VSTM2L: variants seen among roughly 807,000 people sequenced by gnomAD.
VSTM2L encodes the protein V-set and transmembrane domain containing 2 like, also known as V-set and transmembrane domain-containing protein 2-like protein.
VSTM2L carries 9 observed loss-of-function variants against 19.9 expected under a neutral mutation model. The ratio of observed to expected loss-of-function variants is 0.45; its 90% CI spans 0.27 to 0.79. The LOEUF (loss-of-function observed/expected upper bound fraction) is 0.79, where lower values mean the gene tolerates loss of function less well. VSTM2L is among the 30% of genes least tolerant of loss of function. The probability of loss-of-function intolerance (pLI) is 0.15; values close to 1 mark genes in which losing one functional copy is unlikely to be tolerated. For missense variants in VSTM2L, 286 were observed against 295.5 expected, an observed-to-expected ratio of 0.97 and a Z score of 0.24; for synonymous variants, 127 against 133.8, an observed-to-expected ratio of 0.95 and a Z score of 0.35.
rs1406112006 is a variant in VSTM2L, at chr20:37,944,123, G to T, written c.485G>T (p.Arg162Leu). The T allele has an allele frequency of 1.9e-6, 3 of 1,611,430 alleles. 1 individual carries two copies. The highest frequency in any genetic ancestry group is 8.5e-7 in the Non-Finnish European group (1 of 1,178,650). ...CACCACAAGGTCAAGGCCTACCTGC[G>T]GGTGCAGCCAGGGGAGAACTCCGTC... ...ARHHKVKAYL[R>L]VQPGENSVLH... is the part of the protein sequence containing the mutation. The change falls in exon 4 of 4, where the codon CGG becomes CTG. Residue 162 changes from arginine to leucine, a missense_variant. Transcript: ENST00000373461.
chr20:37,929,277 G>A (rs943636377), intron 1 of VSTM2L, among the ~76,000 whole-genome samples: 2 of 152,184 alleles, frequency 1.3e-5, no homozygotes, highest in African/African-American at 4.8e-5. Flanking sequence ...CAACTGGGAT[G>A]CCTGGGGAAG....
intron 1 of VSTM2L, among the ~76,000 whole-genome samples, chr20:37,927,420 G>A (rs1568839441): frequency 6.6e-6 from 1 of 152,130 alleles, no homozygotes; most frequent in African/African-American, 2.4e-5. Flanking sequence ...CTTGCAGTGT[G>A]GCTTGCATTC....
intron 1 of VSTM2L, among the ~76,000 whole-genome samples, chr20:37,928,727 C>T (rs1314710621): frequency 2.0e-5 from 3 of 152,146 alleles, no homozygotes; most frequent in Non-Finnish European, 4.4e-5. Flanking sequence ...TGCACTCCAG[C>T]CTAGACAACA....
At chr20:37,906,970 A>G (rs1046966619) in intron 1 of VSTM2L, among the ~76,000 whole-genome samples, 6 of 151,994 alleles carry the variant, frequency 3.9e-5, no homozygotes, top group African/African-American at 1.5e-4. Context: ...AGACCCCTAC[A>G]GCTTGCAGAG....
intron 3 of VSTM2L, among the ~76,000 whole-genome samples, chr20:37,943,735 G>A (rs956584590): frequency 5.3e-5 from 8 of 152,042 alleles, no homozygotes; most frequent in Non-Finnish European, 1.2e-4. Context: ...TCCGTCTTTC[G>A]GACCACTCTG....
At chr20:37,931,924 C>A in intron 2 of VSTM2L, 120 bp downstream of exon 2, 2 of 1,166,964 alleles carry the variant, frequency 1.7e-6, no homozygotes, top group Non-Finnish European at 2.4e-6. Context: ...TTCTCCACAC[C>A]ACACAGCTGT....
chr20:37,921,837 C>CTT (rs1568837638), intron 1 of VSTM2L, among the ~76,000 whole-genome samples: 17 of 126,612 alleles, frequency 1.3e-4, no homozygotes, highest in African/African-American at 5.7e-4. Flanking sequence ...TCTTTCTTTT[C>CTT]CTTTTTTTTT....
rs371151323 is a variant in VSTM2L, at chr20:37,928,778, C to T, written c.122-2857C>T. Among the ~76,000 whole-genome samples, 4 of 152,144 alleles carry T rather than the reference C, an allele frequency of 2.6e-5. No homozygotes were observed. The East Asian group carries it at 7.7e-4, about 29-fold the overall frequency. On this transcript the variant is annotated intron_variant, in intron 1 of 3. Transcript: ENST00000373461. ...TCAAAAATAAAATGTATTTATTGAG[C>T]ACCTGCTATGTGCCAGGTACTGCTG...
In VSTM2L at chr20:37,932,630, C is replaced by T. The variant is rs6123170; in HGVS notation, c.291+826C>T. 5.1e-4 allele frequency among the ~76,000 whole-genome samples: 78 copies of T among 152,228 alleles called. 1 individual carries two copies. The East Asian group carries it at 0.014, about 28-fold the overall frequency. ...CCAATTGCCTACTGTGGTAACTAAC[C>T]AACAACATACCCCCCATTATTAACT... On this transcript the variant is annotated intron_variant, in intron 2 of 3. Transcript: ENST00000373461.
At chr20:37,940,837 G>A (rs551073003) in intron 3 of VSTM2L, among the ~76,000 whole-genome samples, 2 of 152,288 alleles carry the variant, frequency 1.3e-5, no homozygotes, top group Admixed American at 6.5e-5. Context: ...AGTGAACGAA[G>A]GGGAAACTGC....
intron 1 of VSTM2L, among the ~76,000 whole-genome samples, chr20:37,928,827 C>A (rs2072892997): frequency 6.6e-6 from 1 of 152,072 alleles, no homozygotes; most frequent in African/African-American, 2.4e-5. Flanking sequence ...GGAAGGCTGA[C>A]AATAAACATA....
At chr20:37,914,514 T>C (rs2072805918) in intron 1 of VSTM2L, among the ~76,000 whole-genome samples, 1 of 99,776 alleles carries the variant, frequency 1.0e-5, no homozygotes, top group Admixed American at 1.1e-4. Flanking sequence ...GTGTGTTGTG[T>C]GTGTGTGTAC....
At chr20:37,914,832 TC>T (rs1333744815) in intron 1 of VSTM2L, among the ~76,000 whole-genome samples, 1 of 152,004 alleles carries the variant, frequency 6.6e-6, no homozygotes, top group Non-Finnish European at 1.5e-5. Context: ...AACCCTATGT[TC>T]CCCCAGCCCG....
intron 1 of VSTM2L, among the ~76,000 whole-genome samples, chr20:37,917,129 T>C (rs757588382): frequency 1.3e-5 from 2 of 152,084 alleles, no homozygotes; most frequent in African/African-American, 2.4e-5. Flanking sequence ...CTGGCTAATG[T>C]AGTGAAAGCT....
chr20:37,903,138 C>T lies in VSTM2L; in HGVS notation c.-213C>T, dbSNP rs933971889. On this transcript the variant is annotated 5_prime_UTR_variant, in exon 1 of 4. Coordinates refer to ENST00000373461, the MANE Select transcript of VSTM2L (RefSeq NM_080607.3). ...AAGGGAAGAGTCCCGCAGTCGGAGG[C>T]GGCCGGCTGGGCGTGCGCTCGCTCC... 7 of 507,842 alleles carry T rather than the reference C, an allele frequency of 1.4e-5. No individual in the cohort carries two copies. The highest frequency in any genetic ancestry group is 1.2e-4 in the African/African-American group (6 of 49,286). The allele number at this position is 507,842 out of a possible 1,614,324, so 31.5% of individuals were successfully genotyped here.
At chr20:37,943,922 C>T in intron 3 of VSTM2L, 59 bp from the exon 4 acceptor site, 1 of 373,280 alleles carries the variant, frequency 2.7e-6, no homozygotes, top group Non-Finnish European at 3.8e-6. Context: ...CCCCCCCCGA[C>T]TCTTCTTCTC....
chr20:37,941,405 G>A (rs1382226369), intron 3 of VSTM2L, among the ~76,000 whole-genome samples: 3 of 152,200 alleles, frequency 2.0e-5, no homozygotes, highest in East Asian at 1.9e-4. Flanking sequence ...CGCAAAGGCC[G>A]TGAGGTCAGC....
At chr20:37,907,382 C>G (rs962216460) in intron 1 of VSTM2L, among the ~76,000 whole-genome samples, 4 of 152,216 alleles carry the variant, frequency 2.6e-5, no homozygotes, top group Non-Finnish European at 5.9e-5. Context: ...GCTGGGATTA[C>G]AGGCATGAGC....
At chr20:37,923,299 A>T (rs1237694425) in intron 1 of VSTM2L, among the ~76,000 whole-genome samples, 4 of 152,200 alleles carry the variant, frequency 2.6e-5, no homozygotes, top group Non-Finnish European at 5.9e-5. Context: ...CAGGTCCTCC[A>T]GGTCATCTCC....
Sources: gnomAD v4.1 joint callset for allele counts (sites outside exome capture counted in the v4.1 genomes callset) on GRCh38, gnomAD v4.1.1 for gene constraint, MANE v1.5 for transcripts, NCBI Gene and HGNC (gene_info 2026-07-23, HGNC 2026-07-21) for gene names.